Variants in IL36B observed in about 807,000 individuals in gnomAD.
IL36B encodes interleukin-36 beta.
A neutral mutation model predicts 19.3 loss-of-function variants in IL36B; 23 were observed. That is an observed-to-expected ratio of 1.19 (90% CI 0.86 to 1.69). IL36B has a LOEUF of 1.69. Ranked by LOEUF, IL36B falls within the 40% of genes most tolerant of loss-of-function variation. The pLI is 0.00. For missense variants in IL36B, 217 were observed against 200.5 expected (o/e 1.08, Z -0.50); for synonymous variants, 59 against 59.7 (o/e 0.99, Z 0.05).
At chr2:113,040,654 C>T (rs1383993436) in intron 1 of IL36B, among the ~76,000 whole-genome samples, 1 of 152,126 alleles carries the variant, frequency 6.6e-6, no homozygotes, top group Non-Finnish European at 1.5e-5. Flanking sequence ...TCAAAAACTT[C>T]AAATACTTAG....
chr2:113,030,997 G>A (rs2105044085), intron 3 of IL36B, 51 bp downstream of exon 3: 1 of 1,318,348 alleles, frequency 7.6e-7, no homozygotes, highest in Non-Finnish European at 1.1e-6. Flanking sequence ...CTCATTCCTG[G>A]TGAAGATGGC....
At chr2:113,030,223 C>T (rs1340153456) in intron 3 of IL36B, among the ~76,000 whole-genome samples, 2 of 149,634 alleles carry the variant, frequency 1.3e-5, no homozygotes, top group African/African-American at 2.5e-5. Context: ...CAGAGTGAGA[C>T]TCCGTTTAAA....
intron 1 of IL36B, among the ~76,000 whole-genome samples, chr2:113,045,805 T>C (rs1472324660): frequency 2.0e-5 from 3 of 152,240 alleles, no homozygotes; most frequent in African/African-American, 4.8e-5. Flanking sequence ...GGAGTTTGAC[T>C]TGAGTCTGTT....
chr2:113,027,581 A>G, intron 4 of IL36B: 1 of 1,117,998 alleles, frequency 8.9e-7, no homozygotes, highest in East Asian at 5.8e-5. Flanking sequence ...GGTTGGCAAA[A>G]GGAATAGGAA....
intron 5 of IL36B, among the ~76,000 whole-genome samples, chr2:113,025,768 A>G (rs1255457989): frequency 6.6e-6 from 1 of 152,192 alleles, no homozygotes; most frequent in Non-Finnish European, 1.5e-5. Flanking sequence ...GAGCAGGAAC[A>G]TAGAGGGAAG....
At chr2:113,039,793 T>A (rs1360448194) in intron 1 of IL36B, among the ~76,000 whole-genome samples, 1 of 152,252 alleles carries the variant, frequency 6.6e-6, no homozygotes, top group African/African-American at 2.4e-5. Context: ...ACGAGTTTAT[T>A]TTTGTGTCAC....
Position 113,033,264 on chromosome 2 carries a change from G to A in IL36B, c.-57-1498C>T, listed in dbSNP as rs926584431. On this transcript the variant is annotated intron_variant, in intron 1 of 5. Coordinates refer to ENST00000259213, the MANE Select transcript of IL36B (RefSeq NM_014438.5). ...TTTTTGGAGATGGAGTCTCGCTCTC[G>A]CTCTGTCGCCAAGCTGGAGTGCAGT... is the stretch of plus-strand genomic sequence containing the variant. Among the ~76,000 whole-genome samples, 12 of 152,158 alleles carry A rather than the reference G, an allele frequency of 7.9e-5. No individual in the cohort carries two copies. In the South Asian group the frequency reaches 8.3e-4, roughly 11 times the overall value.
intron 1 of IL36B, among the ~76,000 whole-genome samples, chr2:113,036,103 C>CAA (rs1223341190): frequency 1.3e-5 from 2 of 152,082 alleles, no homozygotes; most frequent in Admixed American, 6.6e-5. Flanking sequence ...CACCACCACA[C>CAA]CTGGCTAATT....
At position 113,031,106 on chromosome 2, in the gene IL36B, C is replaced by T. The variant is rs534128838; in HGVS notation, c.63G>A (p.Val21=). ...TTAAAGAATTTCCACTCAGGACCCA[C>T]ACCATCTGTCGAGAATCACGAATAG... The change falls in exon 3 of 6, where the codon GTG becomes GTA. Residue 21 remains valine, a synonymous_variant. Transcript: ENST00000259213. 1.5e-5 allele frequency: 24 copies of T among 1,614,188 alleles called. No individual in the cohort carries two copies. The African/African-American group carries it at 2.0e-4, about 13-fold the overall frequency.
intron 1 of IL36B, among the ~76,000 whole-genome samples, chr2:113,048,478 A>G (rs1339768197): frequency 6.6e-6 from 1 of 152,174 alleles, no homozygotes; most frequent in Admixed American, 6.5e-5. Flanking sequence ...AATTATAGCT[A>G]AATTTGTGGG....
At chr2:113,032,175 C>A (rs1032611493) in intron 1 of IL36B, among the ~76,000 whole-genome samples, 4 of 119,130 alleles carry the variant, frequency 3.4e-5, no homozygotes, top group African/African-American at 1.3e-4. Flanking sequence ...GTGTGTATCT[C>A]CATTTTAGCC....
chr2:113,035,696 G>T lies in IL36B; in HGVS notation c.-57-3930C>A, dbSNP rs35724334. Among the ~76,000 whole-genome samples the T allele has an allele frequency of 3.8e-3, 579 of 152,256 alleles. 4 individuals are homozygous for T. The highest frequency in any genetic ancestry group is 0.013 in the African/African-American group (530 of 41,534). The stretch of plus-strand genomic sequence containing the variant: ...ATGACTTGATGGTAAATAAATGGGT[G>T]AGATAAATAAATGAGTTAGAAACAG... On this transcript the variant is annotated intron_variant, in intron 1 of 5. Transcript: ENST00000259213.
At chr2:113,051,350 G>A (rs1286822103) in intron 1 of IL36B, among the ~76,000 whole-genome samples, 2 of 152,240 alleles carry the variant, frequency 1.3e-5, no homozygotes, top group Admixed American at 6.5e-5. Context: ...AGAAGTTGCC[G>A]GTGGCTCTGG....
rs561317292 is a variant in IL36B at position 113,027,373 on chromosome 2, T to A, written c.262-1141A>T. On this transcript the variant is annotated intron_variant, in intron 4 of 5. Coordinates refer to ENST00000259213, the MANE Select transcript of IL36B (RefSeq NM_014438.5). ...ACCTGTGCAGTTCAAAATCGTGTTG[T>A]TCAAGGGTTAAGTGTATACACTGTG... 9.9e-6 allele frequency: 7 copies of A among 704,016 alleles called. No individual in the cohort carries two copies. In the African/African-American group the frequency reaches 1.2e-4, roughly 12 times the overall value. 43.6% of individuals were successfully genotyped at this position (704,016 alleles called of 1,614,324 possible).
intron 1 of IL36B, among the ~76,000 whole-genome samples, chr2:113,033,363 C>G (rs1685113842): frequency 1.3e-5 from 2 of 152,148 alleles, no homozygotes; most frequent in South Asian, 4.1e-4. Flanking sequence ...TCCCGAGTAG[C>G]TGGAACTACA....
At chr2:113,031,208 C>T in intron 2 of IL36B, 53 bp from the exon 3 acceptor site, 1 of 1,205,286 alleles carries the variant, frequency 8.3e-7, no homozygotes, top group Non-Finnish European at 1.2e-6. Flanking sequence ...AACTTCAGGA[C>T]TCCAGTTGCA....
intron 1 of IL36B, among the ~76,000 whole-genome samples, chr2:113,036,623 A>G (rs1022318338): frequency 3.3e-5 from 5 of 152,202 alleles, no homozygotes; most frequent in African/African-American, 1.2e-4. Flanking sequence ...TCCTGCCCCC[A>G]GGAAGAACAC....
intron 1 of IL36B, 23 bp from the exon 2 acceptor site, chr2:113,031,789 G>A: frequency 1.9e-6 from 2 of 1,077,080 alleles, no homozygotes; most frequent in Non-Finnish European, 2.8e-6. Flanking sequence ...GGCCATGTGA[G>A]AGAAGGAGAG....
At chr2:113,039,942 G>A (rs916493046) in intron 1 of IL36B, among the ~76,000 whole-genome samples, 9 of 152,300 alleles carry the variant, frequency 5.9e-5, no homozygotes, top group East Asian at 1.9e-4. Context: ...GTAGTCACTC[G>A]GGGAAAATCA....
Sources: gnomAD v4.1 joint callset for allele counts (sites outside exome capture counted in the v4.1 genomes callset) on GRCh38, gnomAD v4.1.1 for gene constraint, MANE v1.5 for transcripts, NCBI Gene and HGNC (gene_info 2026-07-23, HGNC 2026-07-21) for gene names.